The following CDH18 variants were observed in gnomAD, a reference collection of about 807,000 sequenced individuals.
The protein encoded by CDH18 is cadherin 18.
CDH18 carries 31 observed loss-of-function variants against 67.9 expected under a neutral mutation model. The observed-to-expected ratio is 0.46, with a 90% CI of 0.34 to 0.62. The LOEUF (loss-of-function observed/expected upper bound fraction) is 0.62, where lower values mean the gene tolerates loss of function less well. Among genes scored for constraint, CDH18 ranks in the 20% least tolerant of loss-of-function variants. The pLI, the probability that CDH18 is intolerant of heterozygous loss-of-function variation, is 0.01. For missense variants in CDH18, 890 were observed against 975.5 expected, an observed-to-expected ratio of 0.91 and a Z score of 1.17; for synonymous variants, 362 against 347.2, an observed-to-expected ratio of 1.04 and a Z score of -0.48.
chr5:20,497,186 C>G (rs1447348679), intron 1 of CDH18, among the ~76,000 whole-genome samples: 1 of 152,082 alleles, frequency 6.6e-6, no homozygotes, highest in Non-Finnish European at 1.5e-5. Context: ...AGTGAGGGCT[C>G]AGGGAGTAAT....
intron 2 of CDH18, among the ~76,000 whole-genome samples, chr5:19,959,310 T>C (rs971706241): frequency 6.6e-6 from 1 of 152,026 alleles, no homozygotes; most frequent in Non-Finnish European, 1.5e-5. Flanking sequence ...AAAAATATTA[T>C]TTAAGATGCC....
At chr5:20,400,859 C>A (rs1745706448) in intron 1 of CDH18, among the ~76,000 whole-genome samples, 1 of 151,984 alleles carries the variant, frequency 6.6e-6, no homozygotes, top group African/African-American at 2.4e-5. Context: ...ACCAACCAAC[C>A]AAATCCCTTA....
chr5:20,043,998 T>C (rs191995253), intron 2 of CDH18, among the ~76,000 whole-genome samples: 110 of 152,306 alleles, frequency 7.2e-4, no homozygotes, highest in African/African-American at 2.5e-3. Context: ...ATGGCAAATT[T>C]GGATAAATGT....
intron 5 of CDH18, among the ~76,000 whole-genome samples, chr5:19,710,850 T>G (rs1042208890): frequency 1.3e-5 from 2 of 152,058 alleles, no homozygotes; most frequent in African/African-American, 4.8e-5. Context: ...TCAGTTTGGT[T>G]CTTCATACAA....
chr5:20,430,780 A>T (rs551805551), intron 1 of CDH18, among the ~76,000 whole-genome samples: 1 of 152,200 alleles, frequency 6.6e-6, no homozygotes, highest in Non-Finnish European at 1.5e-5. Flanking sequence ...CTTCACTAAG[A>T]TGGCCATGTG....
intron 3 of CDH18, among the ~76,000 whole-genome samples, chr5:19,767,905 G>A (rs1274248149): frequency 6.6e-6 from 1 of 151,984 alleles, no homozygotes; most frequent in African/African-American, 2.4e-5. Flanking sequence ...ATATAAGAAA[G>A]AAAAATGTAT....
intron 2 of CDH18, among the ~76,000 whole-genome samples, chr5:19,869,297 G>A (rs1183827366): frequency 1.3e-5 from 2 of 151,936 alleles, no homozygotes; most frequent in Non-Finnish European, 2.9e-5. Flanking sequence ...TGTATCTCAG[G>A]TACTTTTCCC....
At position 19,884,664 on chromosome 5, in the gene CDH18, C is replaced by T. The variant is rs545511118; in HGVS notation, c.-256-45422G>A. 1.4e-4 allele frequency among the ~76,000 whole-genome samples: 21 copies of T among 151,750 alleles called. No individual in the cohort carries two copies. In the South Asian group the frequency reaches 3.3e-3, roughly 24 times the overall value. ...ACTCTGTGTTTTAAAATAATATAAA[C>T]GTTTTAAATACTTGTAACAATCCTG... On this transcript the variant is annotated intron_variant, in intron 2 of 12. Transcript: ENST00000382275.
At chr5:20,188,736 C>T (rs908215947) in intron 2 of CDH18, among the ~76,000 whole-genome samples, 6 of 150,430 alleles carry the variant, frequency 4.0e-5, no homozygotes, top group Admixed American at 6.7e-5. Flanking sequence ...TTTTCTTGCA[C>T]GAGTTTGATC....
At chr5:20,197,619 C>G (rs941356371) in intron 2 of CDH18, among the ~76,000 whole-genome samples, 1 of 152,174 alleles carries the variant, frequency 6.6e-6, no homozygotes, top group African/African-American at 2.4e-5. Context: ...GGCACCCAGA[C>G]AATCTTGCTA....
intron 1 of CDH18, among the ~76,000 whole-genome samples, chr5:20,466,826 C>G (rs1250102214): frequency 2.0e-5 from 3 of 152,068 alleles, no homozygotes; most frequent in Admixed American, 2.0e-4. Context: ...ATAAACAAGG[C>G]TTATCATTCT....
chr5:19,789,319 A>G (rs140450406), intron 3 of CDH18, among the ~76,000 whole-genome samples: 3,461 of 152,280 alleles, frequency 0.023, 87 homozygotes, highest in African/African-American at 0.068. Context: ...AAGTGTTTCA[A>G]TGAGATAGAT....
chr5:20,498,461 T>G (rs1037919048), intron 1 of CDH18, among the ~76,000 whole-genome samples: 4 of 152,112 alleles, frequency 2.6e-5, no homozygotes, highest in African/African-American at 7.2e-5. Flanking sequence ...ATTTCTGATG[T>G]GTATAGAGAG....
chr5:19,475,115 A>C (rs1192859859), intron 12 of CDH18, among the ~76,000 whole-genome samples: 1 of 151,976 alleles, frequency 6.6e-6, no homozygotes, highest in Non-Finnish European at 1.5e-5. Flanking sequence ...TTCGATTGAC[A>C]TTTAAGGTTG....
chr5:20,356,557 T>C (rs1171780699), intron 1 of CDH18, among the ~76,000 whole-genome samples: 3 of 152,094 alleles, frequency 2.0e-5, no homozygotes, highest in Non-Finnish European at 4.4e-5. Flanking sequence ...GCATGTAGAT[T>C]AAATCAAGAG....
intron 8 of CDH18, among the ~76,000 whole-genome samples, chr5:19,553,686 T>A (rs943970728): frequency 2.7e-5 from 4 of 147,340 alleles, no homozygotes; most frequent in Non-Finnish European, 5.9e-5. Flanking sequence ...TGTCACCCAG[T>A]CTGGACTGCA....
chr5:19,675,710 G>A (rs149159938), intron 5 of CDH18, among the ~76,000 whole-genome samples: 121 of 152,008 alleles, frequency 8.0e-4, no homozygotes, highest in African/African-American at 2.5e-3. Context: ...GTCCTGAGGC[G>A]ACATTCATCC....
chr5:19,483,133 TCTAA>T (rs1473726258), intron 12 of CDH18, among the ~76,000 whole-genome samples, 164 bp downstream of exon 12: 8 of 152,222 alleles, frequency 5.3e-5, no homozygotes, highest in Non-Finnish European at 7.3e-5. Flanking sequence ...CATATTTGAA[TCTAA>T]CTATTTTGAG....
At chr5:20,041,140 G>A (rs1740387656) in intron 2 of CDH18, among the ~76,000 whole-genome samples, 1 of 152,034 alleles carries the variant, frequency 6.6e-6, no homozygotes, top group Non-Finnish European at 1.5e-5. Flanking sequence ...CTAGAATCGG[G>A]GCCTTCCTCT....
Sources: gnomAD v4.1 joint callset for allele counts (sites outside exome capture counted in the v4.1 genomes callset) on GRCh38, gnomAD v4.1.1 for gene constraint, MANE v1.5 for transcripts, NCBI Gene and HGNC (gene_info 2026-07-23, HGNC 2026-07-21) for gene names.